Variants in ASPM observed in about 807,000 individuals in gnomAD.
ASPM encodes assembly factor for spindle microtubules, also known as abnormal spindle-like microcephaly-associated protein.
Under a neutral mutation model 366.4 loss-of-function variants are expected in ASPM, and 256 were observed. The ratio of observed to expected loss-of-function variants is 0.70; its 90% CI spans 0.63 to 0.77. ASPM has a LOEUF of 0.77. ASPM is among the 30% of genes least tolerant of loss of function. The pLI, the probability that ASPM is intolerant of heterozygous loss-of-function variation, is 0.00. For missense variants in ASPM, 4,146 were observed against 4,090.4 expected, an observed-to-expected ratio of 1.01 and a Z score of -0.37; for synonymous variants, 1,414 against 1,342.9, an observed-to-expected ratio of 1.05 and a Z score of -1.16.
intron 20 of ASPM, 141 bp downstream of exon 20, chr1:197,093,943 G>A (rs1158677553): frequency 1.7e-5 from 10 of 592,008 alleles, no homozygotes; most frequent in Non-Finnish European, 3.0e-5. Context: ...AGATGTGTGT[G>A]AAATAAATGC....
In ASPM at chr1:197,121,974, G is replaced by A. The variant is rs140602858; in HGVS notation, c.3811C>T (p.Arg1271Ter). The A allele has an allele frequency of 1.1e-5, 18 of 1,610,712 alleles. No individual in the cohort carries two copies. Among genetic ancestry groups the A allele is most frequent in the Admixed American group, 1.0e-4 (6 of 59,850 alleles). Residue 1271 changes from arginine to a stop codon, truncating the protein, a stop_gained, in exon 16 of 28, where the codon CGA becomes TGA. Transcript: ENST00000367409. LOFTEE classifies it high-confidence loss of function. ...LDLRKEIRAA[R>*]LIQTTWRKYK... ...TTTCTCCATGTTGTTTGTATGAGTC[G>A]AGCAGCTCTTATTTCTTTACGAAGA...
At chr1:197,138,952 T>G in intron 4 of ASPM, 1 of 742,690 alleles carries the variant, frequency 1.3e-6, no homozygotes, top group South Asian at 1.4e-5. Context: ...TCTTTCTCCT[T>G]GACTCGCTGC....
At chr1:197,111,270 C>T (rs1320314460) in intron 17 of ASPM, among the ~76,000 whole-genome samples, 2 of 151,908 alleles carry the variant, frequency 1.3e-5, no homozygotes, top group Non-Finnish European at 2.9e-5. Flanking sequence ...AAAAAATGGG[C>T]AAAGGACATA....
At chr1:197,138,295 G>A (rs549983009) in intron 4 of ASPM, among the ~76,000 whole-genome samples, 1 of 152,262 alleles carries the variant, frequency 6.6e-6, no homozygotes, top group Admixed American at 6.5e-5. Flanking sequence ...CCTGTCTTCA[G>A]GGAGTTCACA....
rs1269724580 is a variant in ASPM at position 197,094,122 on chromosome 1, G to C, written c.9046C>G (p.Pro3016Ala). The C allele has an allele frequency of 3.1e-6, 5 of 1,606,232 alleles. No homozygotes were observed. The Admixed American group carries it at 8.4e-5, about 27-fold the overall frequency. ...AAGTGTTCATGAGCTATCTTTGCAG[G>C]AAGTATAGCTCTCCATTTTCTCTGA... ...IIQRKWRAIL[P>A]AKIAHEHFLM... The change falls in exon 20 of 28, where the codon CCT becomes GCT. Residue 3016 changes from proline (P) to alanine (A), a missense_variant. Physicochemically the swap from Pro to Ala is conservative, Grantham distance 27. Coordinates refer to ENST00000367409, the MANE Select transcript of ASPM (RefSeq NM_018136.5).
At chr1:197,114,098 A>G (rs1175484799) in intron 17 of ASPM, among the ~76,000 whole-genome samples, 3 of 152,206 alleles carry the variant, frequency 2.0e-5, no homozygotes, top group African/African-American at 7.2e-5. Flanking sequence ...CAATAAAGCA[A>G]ATATTACAAT....
Position 197,101,704 on chromosome 1 carries a change from G to A in ASPM, c.7547C>T (p.Thr2516Ile), listed in dbSNP as rs1439640700. Residue 2516 changes from threonine to isoleucine, a missense_variant, in exon 18 of 28, where the codon ACA becomes ATA. This residue lies in a region of ASPM where 3,624 missense variants were observed against 3,591.7 expected (regional missense o/e 1.01). Coordinates refer to ENST00000367409, the MANE Select transcript of ASPM (RefSeq NM_018136.5). ...TCTTTGTAATTTTGCAGCTCTATAT[G>A]TTCGATAATGTTGCTGAATTAGAAT... ...ASILIQQHYR[T>I]YRAAKLQREN... The A allele has an allele frequency of 1.2e-6, 2 of 1,611,908 alleles. No homozygotes were observed. Among genetic ancestry groups the A allele is most frequent in the Non-Finnish European group, 8.5e-7 (1 of 1,178,964 alleles).
chr1:197,139,086 C>T, intron 4 of ASPM: 1 of 752,416 alleles, frequency 1.3e-6, no homozygotes, highest in East Asian at 2.5e-5. Context: ...AGCCCATTTT[C>T]TGCAGTTTTT....
At chr1:197,120,972 A>T (rs1014610182) in intron 16 of ASPM, among the ~76,000 whole-genome samples, 2 of 152,190 alleles carry the variant, frequency 1.3e-5, no homozygotes, top group Admixed American at 6.5e-5. Flanking sequence ...GAAAAAACAC[A>T]TATTGTGTTT....
At chr1:197,093,367 T>C in intron 20 of ASPM, 106 bp from the exon 21 acceptor site, 2 of 929,672 alleles carry the variant, frequency 2.2e-6, no homozygotes, top group Non-Finnish European at 3.5e-6. Flanking sequence ...TTATGATTTA[T>C]AGTCTAAGAA....
intron 10 of ASPM, among the ~76,000 whole-genome samples, chr1:197,125,401 A>T (rs1658061287): frequency 6.6e-6 from 1 of 152,152 alleles, no homozygotes; most frequent in South Asian, 2.1e-4. Context: ...GTGTGAACAG[A>T]TGATAAGAAA....
chr1:197,139,020 G>C, intron 4 of ASPM: 1 of 727,122 alleles, frequency 1.4e-6, no homozygotes, highest in Non-Finnish European at 2.5e-6. Flanking sequence ...CTTGTCTTTT[G>C]GCTTCAAAGA....
At chr1:197,128,366 T>C (rs1658153073) in intron 10 of ASPM, 124 bp downstream of exon 10, 2 of 939,798 alleles carry the variant, frequency 2.1e-6, no homozygotes, top group Admixed American at 5.0e-5. Context: ...AAACCTCAAT[T>C]TTTTTCAGTA....
chr1:197,088,930 A>T (rs2125087373), intron 25 of ASPM, among the ~76,000 whole-genome samples: 1 of 152,158 alleles, frequency 6.6e-6, no homozygotes, highest in South Asian at 2.1e-4. Flanking sequence ...TATATTTTCC[A>T]CGCCTCATTT....
At chr1:197,085,805 T>C (rs1323669480) in intron 27 of ASPM, among the ~76,000 whole-genome samples, 1 of 152,140 alleles carries the variant, frequency 6.6e-6, no homozygotes, top group African/African-American at 2.4e-5. Flanking sequence ...ACAGAAATAT[T>C]TTGTATCTCA....
At chr1:197,110,460 A>G (rs1657548116) in intron 17 of ASPM, among the ~76,000 whole-genome samples, 1 of 152,136 alleles carries the variant, frequency 6.6e-6, no homozygotes. Context: ...AAATTATAAA[A>G]CTTTTAGAGT....
chr1:197,123,314 G>A (rs923631235), intron 13 of ASPM, among the ~76,000 whole-genome samples: 4 of 152,122 alleles, frequency 2.6e-5, no homozygotes, highest in African/African-American at 9.7e-5. Flanking sequence ...GAAACAAAAA[G>A]AGCACCACCT....
At position 197,103,771 on chromosome 1, in the gene ASPM, G is replaced by A. The variant is rs763182768; in HGVS notation, c.5480C>T (p.Ala1827Val). The change falls in exon 18 of 28, where the codon GCT becomes GTT. Residue 1827 changes from alanine (A) to valine (V), a missense_variant. Coordinates refer to ENST00000367409, the MANE Select transcript of ASPM (RefSeq NM_018136.5). ...VRQLIKQQSI[A>V]ALKIQSAFRG... ...AAAAGCAGACTGAATTTTAAGAGCA[G>A]CTATAGATTGTTGTTTGATTAGCTG... The A allele has an allele frequency of 1.2e-6, 2 of 1,612,882 alleles. No individual in the cohort carries two copies. The highest frequency in any genetic ancestry group is 1.7e-6 in the Non-Finnish European group (2 of 1,179,362).
intron 10 of ASPM, among the ~76,000 whole-genome samples, chr1:197,128,004 A>C (rs1370601966): frequency 6.6e-6 from 1 of 152,008 alleles, no homozygotes; most frequent in Non-Finnish European, 1.5e-5. Flanking sequence ...TCTCTACTAA[A>C]AATACAAAAA....
Sources: allele counts gnomAD v4.1 joint callset (sites outside exome capture counted in the v4.1 genomes callset), GRCh38; gene constraint gnomAD v4.1.1; regional missense constraint gnomAD v4.1.1; transcripts MANE v1.5; gene names NCBI Gene and HGNC (gene_info 2026-07-23, HGNC 2026-07-21).